Variants in ATP13A4 observed in about 807,000 individuals in gnomAD.
ATP13A4 encodes the protein probable cation-transporting ATPase 13A4.
A neutral mutation model predicts 142.5 loss-of-function variants in ATP13A4; 114 were observed. That is an observed-to-expected ratio of 0.80 (90% CI 0.69 to 0.93). The LOEUF is 0.93. Among genes scored for constraint, ATP13A4 ranks in the 40% least tolerant of loss-of-function variants. The probability of loss-of-function intolerance (pLI) is 0.00; values close to 1 mark genes in which losing one functional copy is unlikely to be tolerated. For missense variants in ATP13A4, 1,392 were observed against 1,454.0 expected (o/e 0.96, Z 0.69); for synonymous variants, 488 against 514.8 (o/e 0.95, Z 0.70).
At chr3:193,573,775 T>C (rs950854560) in intron 2 of ATP13A4, among the ~76,000 whole-genome samples, 1 of 152,212 alleles carries the variant, frequency 6.6e-6, no homozygotes. Context: ...CAAAATCGAT[T>C]ATTTATAAAA....
intron 25 of ATP13A4, among the ~76,000 whole-genome samples, chr3:193,419,971 C>T (rs1715325453): frequency 6.7e-6 from 1 of 150,076 alleles, no homozygotes; most frequent in Non-Finnish European, 1.5e-5. Context: ...AAGGTCACCA[C>T]TGGATGGTGC....
At chr3:193,457,203 C>T (rs763330754) in intron 15 of ATP13A4, 50 bp from the exon 16 acceptor site, 3 of 1,608,810 alleles carry the variant, frequency 1.9e-6, no homozygotes, top group Admixed American at 1.7e-5. Flanking sequence ...CAGCTTCTAG[C>T]TACTGGGAAT....
upstream of ATP13A4, among the ~76,000 whole-genome samples, chr3:193,558,055 A>G (rs1023423128): frequency 2.0e-5 from 3 of 152,194 alleles, no homozygotes; most frequent in Non-Finnish European, 4.4e-5. Flanking sequence ...GTCTGAGCTT[A>G]GTGCACAGAG....
rs571354909 is a variant in ATP13A4, at chr3:193,507,716, C to T, written c.235-5077G>A. 5.9e-5 allele frequency among the ~76,000 whole-genome samples: 9 copies of T among 152,232 alleles called. 1 individual carries two copies. Among genetic ancestry groups the T allele is most frequent in the Admixed American group, 3.3e-4 (5 of 15,278 alleles). On this transcript the variant is annotated intron_variant, in intron 2 of 29. Transcript: ENST00000342695. Reference sequence around the variant, plus strand: ...ATGGAGCAGTGGATTAGCGGGTCATCGTCTGAAACTTCTGGAGATATAGTG... The same window carrying T: ...ATGGAGCAGTGGATTAGCGGGTCATTGTCTGAAACTTCTGGAGATATAGTG...
At chr3:193,486,443 G>A (rs1385916256) in intron 7 of ATP13A4, among the ~76,000 whole-genome samples, 1 of 152,244 alleles carries the variant, frequency 6.6e-6, no homozygotes, top group African/African-American at 2.4e-5. Flanking sequence ...AGGATGCCAG[G>A]GGATATTTAG....
rs763690980 is a variant in ATP13A4, at chr3:193,442,361, T to C, written c.2316+32A>G. The C allele has an allele frequency of 2.1e-5, 34 of 1,598,898 alleles. No homozygotes were observed. In the African/African-American group the frequency reaches 2.9e-4, roughly 14 times the overall value. On this transcript the variant is annotated intron_variant, in intron 19 of 29. Coordinates refer to ENST00000342695, the MANE Select transcript of ATP13A4 (RefSeq NM_032279.4). ...TCACCAACACTGCAAGACACATTGA[T>C]AATGTGGCAGAAGGTCTGTGTTCAG...
chr3:193,514,816 G>T lies in ATP13A4; in HGVS notation c.116C>A (p.Ser39Tyr). The T allele has an allele frequency of 6.2e-7, 1 of 1,614,210 alleles. No homozygotes were observed. Among genetic ancestry groups the T allele is most frequent in the Non-Finnish European group, 8.5e-7 (1 of 1,180,026 alleles). ...GGGGAGGATTCCAAATGAGAAGATG[G>T]ATCCGGCAAGGCAGAGACTTTTCCG... ...GCRKSLCLAGSIFSFGILPLV... is the reference protein window; with the variant it reads ...GCRKSLCLAGYIFSFGILPLV... Residue 39 changes from serine to tyrosine, a missense_variant, in exon 2 of 30, where the codon TCC becomes TAC. Ser to Tyr is a moderately radical substitution (Grantham distance 144). Coordinates refer to ENST00000342695, the MANE Select transcript of ATP13A4 (RefSeq NM_032279.4).
At chr3:193,425,608 C>G (rs1268200401) in intron 25 of ATP13A4, among the ~76,000 whole-genome samples, 1 of 151,724 alleles carries the variant, frequency 6.6e-6, no homozygotes, top group African/African-American at 2.4e-5. Flanking sequence ...AAGCCAGACA[C>G]AGAAGGACAA....
chr3:193,592,770 C>T (rs1724868185), intron 1 of ATP13A4, among the ~76,000 whole-genome samples: 1 of 152,174 alleles, frequency 6.6e-6, no homozygotes, highest in African/African-American at 2.4e-5. Context: ...CCCATGATTG[C>T]CCTAACGATG....
At chr3:193,555,316 T>A (rs1488077924), upstream of ATP13A4, among the ~76,000 whole-genome samples, 1 of 152,238 alleles carries the variant, frequency 6.6e-6, no homozygotes, top group Non-Finnish European at 1.5e-5. Flanking sequence ...AAAGCTTCAA[T>A]CCACAGGTTT....
rs374645888 is a variant in ATP13A4, at chr3:193,540,918, T to G, written c.60+13822A>C. ...TTTTACATTATAATTTTCTATATTTTATACATTTTATTCATTGAACATGTT... is the reference window on the plus strand; with the variant it reads ...TTTTACATTATAATTTTCTATATTTGATACATTTTATTCATTGAACATGTT... On this transcript the variant is annotated intron_variant, in intron 1 of 29. Coordinates refer to ENST00000342695, the MANE Select transcript of ATP13A4 (RefSeq NM_032279.4). 4.3e-4 allele frequency among the ~76,000 whole-genome samples: 66 copies of G among 152,258 alleles called. No individual in the cohort carries two copies. The South Asian group carries it at 0.013, about 31-fold the overall frequency.
intron 1 of ATP13A4, 123 bp from the exon 2 acceptor site, chr3:193,514,994 G>A: frequency 1.0e-6 from 1 of 993,166 alleles, no homozygotes; most frequent in East Asian, 2.6e-5. Context: ...TGAGGAGAGG[G>A]CAGGGTGAGG....
intron 25 of ATP13A4, among the ~76,000 whole-genome samples, chr3:193,416,466 AAATGAG>A (rs1715069364): frequency 6.6e-6 from 1 of 152,200 alleles, no homozygotes; most frequent in East Asian, 1.9e-4. Context: ...TGTATGATCA[AAATGAG>A]AATGTCAGTA....
intron 2 of ATP13A4, among the ~76,000 whole-genome samples, chr3:193,573,470 C>A (rs577121099): frequency 1.3e-4 from 19 of 151,942 alleles, no homozygotes; most frequent in African/African-American, 4.6e-4. Flanking sequence ...GGGCCACAGG[C>A]AATTGGGAGT....
intron 1 of ATP13A4, among the ~76,000 whole-genome samples, chr3:193,531,628 A>G (rs1189682011): frequency 6.6e-6 from 1 of 152,200 alleles, no homozygotes; most frequent in Non-Finnish European, 1.5e-5. Context: ...ATATTTGTTC[A>G]ATTGACATGG....
At chr3:193,539,006 TG>T (rs893348229) in intron 1 of ATP13A4, among the ~76,000 whole-genome samples, 1 of 151,138 alleles carries the variant, frequency 6.6e-6, no homozygotes, top group African/African-American at 2.4e-5. Flanking sequence ...CCCTAGTAGC[TG>T]GGATTACAGG....
chr3:193,472,294 C>T (rs930293910), intron 8 of ATP13A4, among the ~76,000 whole-genome samples: 1 of 152,178 alleles, frequency 6.6e-6, no homozygotes, highest in Non-Finnish European at 1.5e-5. Flanking sequence ...GCGCTCCATC[C>T]CACCTGGAAC....
At chr3:193,555,301 G>C (rs1455289616), upstream of ATP13A4, among the ~76,000 whole-genome samples, 1 of 152,170 alleles carries the variant, frequency 6.6e-6, no homozygotes, top group Non-Finnish European at 1.5e-5. Context: ...TTTCTTTGAT[G>C]AATGAAAGCT....
At chr3:193,486,320 T>C (rs1029986241) in intron 7 of ATP13A4, among the ~76,000 whole-genome samples, 6 of 152,138 alleles carry the variant, frequency 3.9e-5, no homozygotes, top group Non-Finnish European at 8.8e-5. Context: ...GATAAAAGCA[T>C]GTAAATAATC....
Sources: gnomAD v4.1 joint callset for allele counts (sites outside exome capture counted in the v4.1 genomes callset) on GRCh38, gnomAD v4.1.1 for gene constraint, MANE v1.5 for transcripts, NCBI Gene and HGNC (gene_info 2026-07-23, HGNC 2026-07-21) for gene names.